ADK: variants seen among roughly 807,000 people sequenced by gnomAD.
ADK encodes the protein adenosine kinase.
ADK carries 24 observed loss-of-function variants against 44.7 expected under a neutral mutation model. That is an observed-to-expected ratio of 0.54 (90% CI 0.39 to 0.76). ADK has a LOEUF of 0.76. Ranked by LOEUF, ADK falls within the 30% of genes least tolerant of loss-of-function variation. ADK has a pLI of 0.00. For synonymous variants in ADK, 128 were observed against 142.6 expected (o/e 0.90, Z 0.73); for missense variants, 321 against 425.1 (o/e 0.76, Z 2.15).
intron 1 of ADK, among the ~76,000 whole-genome samples, chr10:74,167,349 T>A (rs1422466616): frequency 6.6e-6 from 1 of 152,186 alleles, no homozygotes; most frequent in African/African-American, 2.4e-5. Flanking sequence ...TATTCCAAAA[T>A]TTGGTGGCTT....
At chr10:74,593,050 G>C (rs531419564) in intron 8 of ADK, among the ~76,000 whole-genome samples, 6 of 152,184 alleles carry the variant, frequency 3.9e-5, no homozygotes, top group African/African-American at 1.2e-4. Flanking sequence ...TATTCAGGCA[G>C]TGTTGATTAC....
At chr10:74,272,695 T>A (rs1453995732) in intron 3 of ADK, among the ~76,000 whole-genome samples, 1 of 152,252 alleles carries the variant, frequency 6.6e-6, no homozygotes, top group African/African-American at 2.4e-5. Flanking sequence ...ATAAGACATA[T>A]GTGTTTAACT....
intron 4 of ADK, among the ~76,000 whole-genome samples, chr10:74,354,521 C>A (rs560259354): frequency 1.3e-5 from 2 of 152,202 alleles, no homozygotes; most frequent in South Asian, 4.2e-4. Flanking sequence ...TTAAGGAAAC[C>A]ATGATAAACT....
intron 4 of ADK, among the ~76,000 whole-genome samples, chr10:74,348,513 C>T (rs1288675069): frequency 6.6e-6 from 1 of 152,000 alleles, no homozygotes; most frequent in Non-Finnish European, 1.5e-5. Context: ...ATTCCAAAAA[C>T]CAGAATGCCT....
chr10:74,648,362 G>A (rs751828899), intron 9 of ADK, among the ~76,000 whole-genome samples: 1 of 152,164 alleles, frequency 6.6e-6, no homozygotes, highest in Non-Finnish European at 1.5e-5. Context: ...TTGCTGGTTT[G>A]TAACTCTTCT....
intron 1 of ADK, among the ~76,000 whole-genome samples, chr10:74,187,392 T>G (rs1202977364): frequency 6.6e-6 from 1 of 152,220 alleles, no homozygotes; most frequent in Non-Finnish European, 1.5e-5. Flanking sequence ...ATTAAACTTT[T>G]ATGTGCAACC....
intron 3 of ADK, among the ~76,000 whole-genome samples, chr10:74,313,007 C>CG (rs1840496929): frequency 7.1e-6 from 1 of 140,832 alleles, no homozygotes; most frequent in Non-Finnish European, 1.5e-5. Context: ...AATTAACAAA[C>CG]TTATACAATG....
intron 6 of ADK, among the ~76,000 whole-genome samples, chr10:74,485,861 G>A (rs1483525561): frequency 6.6e-6 from 1 of 152,154 alleles, no homozygotes; most frequent in Admixed American, 6.6e-5. Context: ...GTCCATTTTA[G>A]TCTGTAATTT....
At chr10:74,459,467 A>C (rs1846080622) in intron 6 of ADK, among the ~76,000 whole-genome samples, 1 of 151,872 alleles carries the variant, frequency 6.6e-6, no homozygotes, top group Non-Finnish European at 1.5e-5. Flanking sequence ...GCGGTGGCTC[A>C]TGTCTGTAAT....
At chr10:74,519,430 C>G (rs934408941) in intron 6 of ADK, among the ~76,000 whole-genome samples, 3 of 151,942 alleles carry the variant, frequency 2.0e-5, no homozygotes. Flanking sequence ...AAATTCAAGC[C>G]TCTCTTTGCA....
chr10:74,496,882 GTTTA>G (rs1342036920), intron 6 of ADK, among the ~76,000 whole-genome samples: 2 of 152,142 alleles, frequency 1.3e-5, no homozygotes. Context: ...TTACTGTGTA[GTTTA>G]TTTGTTTTGG....
At chr10:74,679,328 A>C (rs1564848807) in intron 10 of ADK, among the ~76,000 whole-genome samples, 1 of 152,206 alleles carries the variant, frequency 6.6e-6, no homozygotes, top group Non-Finnish European at 1.5e-5. Context: ...AATTTCCATA[A>C]AACTAAATGT....
chr10:74,565,225 A>T (rs16931523), intron 7 of ADK, among the ~76,000 whole-genome samples: 4,708 of 152,256 alleles, frequency 0.031, 215 homozygotes, highest in African/African-American at 0.095. Context: ...CAAGTCACAA[A>T]TCTTCTAATT....
chr10:74,445,412 T>A (rs1325547007), intron 6 of ADK, among the ~76,000 whole-genome samples: 1 of 152,034 alleles, frequency 6.6e-6, no homozygotes. Flanking sequence ...TTTTATATAA[T>A]GGAGCAATAA....
At chr10:74,352,216 C>A (rs1335671157) in intron 4 of ADK, among the ~76,000 whole-genome samples, 1 of 152,046 alleles carries the variant, frequency 6.6e-6, no homozygotes, top group African/African-American at 2.4e-5. Context: ...GGTACTGGTA[C>A]CAAAACAGAT....
intron 6 of ADK, among the ~76,000 whole-genome samples, chr10:74,409,263 C>T (rs1206353246): frequency 6.6e-6 from 1 of 152,054 alleles, no homozygotes; most frequent in Non-Finnish European, 1.5e-5. Flanking sequence ...TGAAATAACA[C>T]TGTGAAGAAC....
At chr10:74,303,741 G>A (rs2132531861) in intron 3 of ADK, among the ~76,000 whole-genome samples, 1 of 151,684 alleles carries the variant, frequency 6.6e-6, no homozygotes, top group East Asian at 1.9e-4. Flanking sequence ...GCTGAGGCGG[G>A]TGGATCACCT....
intron 1 of ADK, among the ~76,000 whole-genome samples, chr10:74,187,250 T>C (rs1842794667): frequency 6.6e-6 from 1 of 152,334 alleles, no homozygotes; most frequent in African/African-American, 2.4e-5. Flanking sequence ...TCTGAAATAT[T>C]ATCACTGAAT....
At chr10:74,379,983 C>G (rs1431162525) in intron 4 of ADK, among the ~76,000 whole-genome samples, 1 of 152,182 alleles carries the variant, frequency 6.6e-6, no homozygotes, top group African/African-American at 2.4e-5. Context: ...TATGATTGTA[C>G]CACTGCACTC....
Sources: allele counts gnomAD v4.1 joint callset (sites outside exome capture counted in the v4.1 genomes callset), GRCh38; gene constraint gnomAD v4.1.1; transcripts MANE v1.5; gene names NCBI Gene and HGNC (gene_info 2026-07-23, HGNC 2026-07-21).